The following FNDC7 variants were observed in gnomAD, a reference collection of about 807,000 sequenced individuals.
FNDC7 encodes the protein fibronectin type III domain-containing protein 7.
A neutral mutation model predicts 74.2 loss-of-function variants in FNDC7; 66 were observed. The observed-to-expected ratio is 0.89, with a 90% CI of 0.73 to 1.09. FNDC7 has a LOEUF of 1.09. FNDC7 is among the 50% of genes least tolerant of loss of function. The probability of loss-of-function intolerance (pLI) is 0.00; values close to 1 mark genes in which losing one functional copy is unlikely to be tolerated. For synonymous variants in FNDC7, 307 were observed against 330.2 expected (o/e 0.93, Z 0.76); for missense variants, 829 against 893.4 (o/e 0.93, Z 0.92).
intron 11 of FNDC7, among the ~76,000 whole-genome samples, chr1:108,738,036 C>T (rs1661555580): frequency 6.6e-6 from 1 of 152,216 alleles, no homozygotes; most frequent in Non-Finnish European, 1.5e-5. Flanking sequence ...CACACATCAC[C>T]TGGGGCCTCG....
intron 2 of FNDC7, 78 bp from the exon 3 acceptor site, chr1:108,717,699 A>C (rs1358291787): frequency 7.0e-7 from 1 of 1,430,318 alleles, no homozygotes; most frequent in Non-Finnish European, 9.6e-7. Context: ...AGAATGATTT[A>C]GCTTGAAGAG....
chr1:108,731,503 G>A (rs115438468), intron 9 of FNDC7, among the ~76,000 whole-genome samples: 1,737 of 152,332 alleles, frequency 0.011, 16 homozygotes, highest in Non-Finnish European at 0.018. Context: ...GTGGCTGCTT[G>A]TAACACGGTT....
rs1272365131 is a variant in FNDC7, at chr1:108,742,730, A to ATT, written c.*843_*844insTT. 5 of 152,154 alleles carry ATT rather than the reference A, an allele frequency of 3.3e-5. No individual in the cohort carries two copies. The highest frequency in any genetic ancestry group is 7.2e-5 in the African/African-American group (3 of 41,426). 9.4% of individuals were successfully genotyped at this position (152,154 alleles called of 1,614,324 possible). A position where few individuals can be genotyped will look rare whatever the true frequency, so the allele number is the denominator to read the frequency against. On this transcript the variant is annotated 3_prime_UTR_variant, in exon 13 of 13. Transcript: ENST00000370017. ...GGGGAAGGCAATGAAATATAACATA[A>ATT]ATCTCTCATACCTAAAAAAGTTTGT...
rs190819334 is a variant in FNDC7 at position 108,719,615 on chromosome 1, C to G, written c.598+566C>G. ...CATGGGGCTTCCCACTATTGCTCCT[C>G]CAGCTGTGGGGAGAAGCTGAAGCTT... On this transcript the variant is annotated intron_variant, in intron 4 of 12. Transcript: ENST00000370017. Among the ~76,000 whole-genome samples the G allele has an allele frequency of 2.4e-4, 37 of 152,252 alleles. No individual in the cohort carries two copies. The East Asian group carries it at 6.8e-3, about 28-fold the overall frequency.
In FNDC7 at chr1:108,730,767, T is replaced by C. The variant is rs1450741866; in HGVS notation, c.1718T>C (p.Val573Ala). The change falls in exon 9 of 13, where the codon GTT becomes GCT. Residue 573 changes from valine to alanine, a missense_variant. Val to Ala is a moderately conservative substitution (Grantham distance 64). Transcript: ENST00000370017. ...WTIGRVAQTH[V>A]AVLESHTGQS... ...ATTGGGAGAGTGGCTCAAACCCATGTTGCAGTTCTGGAGTCACACACTGGA... is the reference window on the plus strand; with the variant it reads ...ATTGGGAGAGTGGCTCAAACCCATGCTGCAGTTCTGGAGTCACACACTGGA... 1 of 1,613,906 alleles carries C rather than the reference T, an allele frequency of 6.2e-7. No homozygotes were observed. Among genetic ancestry groups the C allele is most frequent in the Non-Finnish European group, 8.5e-7 (1 of 1,179,948 alleles).
intron 7 of FNDC7, 152 bp downstream of exon 7, chr1:108,728,217 G>A: frequency 9.8e-7 from 1 of 1,017,988 alleles, no homozygotes; most frequent in Non-Finnish European, 1.4e-6. Flanking sequence ...GTACGAAGGA[G>A]AGGCAGAGGA....
Position 108,725,731 on chromosome 1 carries a change from A to T in FNDC7, c.857-19A>T, listed in dbSNP as rs1218285501. 1 of 1,609,462 alleles carries T rather than the reference A, an allele frequency of 6.2e-7. No individual in the cohort carries two copies. The highest frequency in any genetic ancestry group is 8.5e-7 in the Non-Finnish European group (1 of 1,177,110). ...AATCTCCTGCAGTAGTCTCATGTTT[A>T]TTATTGATCATTTCCTAGTTGCTTG... On this transcript the variant is annotated intron_variant, in intron 5 of 12. Transcript: ENST00000370017.
intron 3 of FNDC7, among the ~76,000 whole-genome samples, chr1:108,718,432 T>A (rs1197802289): frequency 6.6e-6 from 1 of 152,258 alleles, no homozygotes; most frequent in African/African-American, 2.4e-5. Context: ...GAAATTGATT[T>A]GATAAAGTTG....
At chr1:108,739,528 A>G (rs1661588931) in intron 11 of FNDC7, among the ~76,000 whole-genome samples, 1 of 152,180 alleles carries the variant, frequency 6.6e-6, no homozygotes, top group African/African-American at 2.4e-5. Context: ...CTTTTTAGAA[A>G]TGTACAGTCT....
rs964058227 is a variant in FNDC7, at chr1:108,728,890, T to C, written c.1624+4T>C. 53 of 1,611,110 alleles carry C rather than the reference T, an allele frequency of 3.3e-5. 1 individual carries two copies. The East Asian group carries it at 1.2e-3, about 36-fold the overall frequency. On this transcript the variant is annotated splice_donor_region_variant and intron_variant, in intron 8 of 12. Coordinates refer to ENST00000370017, the MANE Select transcript of FNDC7 (RefSeq NM_001144937.3). ...TACAGTGTGCCCCTGGAAACAGGTATGTAGCAACCACCAGCCTGAATGTTG... is the reference window on the plus strand; with the variant it reads ...TACAGTGTGCCCCTGGAAACAGGTACGTAGCAACCACCAGCCTGAATGTTG...
intron 4 of FNDC7, 74 bp downstream of exon 4, chr1:108,719,123 A>T (rs1661038792): frequency 5.3e-6 from 8 of 1,500,452 alleles, no homozygotes; most frequent in Non-Finnish European, 7.2e-6. Context: ...TGCAGCCATC[A>T]AGGGCAGTGT....
In FNDC7 at chr1:108,737,535, T is replaced by C. The variant is rs751022633; in HGVS notation, c.2170+11T>C. On this transcript the variant is annotated intron_variant, in intron 11 of 12. Coordinates refer to ENST00000370017, the MANE Select transcript of FNDC7 (RefSeq NM_001144937.3). Reference sequence around the variant, plus strand: ...GTACACTTGGAATGGGTAAGTCATTTTTCTCATGGATAAAATAGAACAGGA... The same window carrying C: ...GTACACTTGGAATGGGTAAGTCATTCTTCTCATGGATAAAATAGAACAGGA... 1 of 1,589,582 alleles carries C rather than the reference T, an allele frequency of 6.3e-7. No individual in the cohort carries two copies. The highest frequency in any genetic ancestry group is 8.5e-7 in the Non-Finnish European group (1 of 1,171,816).
Position 108,718,904 on chromosome 1 carries a change from C to T in FNDC7, c.453C>T (p.Gly151=), listed in dbSNP as rs1661034640. 1.3e-6 allele frequency: 2 copies of T among 1,551,646 alleles called. No homozygotes were observed. Among genetic ancestry groups the T allele is most frequent in the South Asian group, 1.2e-5 (1 of 84,054 alleles). Reference sequence around the variant, plus strand: ...CCGTGTCCATTATGCGAGCCAATGGCTTGGGGAGTATATGGAAAGAGAATA... The same window carrying T: ...CCGTGTCCATTATGCGAGCCAATGGTTTGGGGAGTATATGGAAAGAGAATA... ...AFSVSIMRAN[G]LGSIWKENTT... The change falls in exon 4 of 13, where the codon GGC becomes GGT. Residue 151 remains glycine (G), a synonymous_variant. Transcript: ENST00000370017.
chr1:108,719,745 TGAGAGAGAGAGA>T lies in FNDC7; in HGVS notation c.598+717_598+728del, dbSNP rs67387432. Among the ~76,000 whole-genome samples, 510 of 148,326 alleles carry T rather than the reference TGAGAGAGAGAGA, an allele frequency of 3.4e-3. 3 individuals are homozygous for T. The highest frequency in any genetic ancestry group is 0.012 in the African/African-American group (459 of 39,760). On this transcript the variant is annotated intron_variant, in intron 4 of 12. Coordinates refer to ENST00000370017, the MANE Select transcript of FNDC7 (RefSeq NM_001144937.3). ...GAGCTGCTGGAGTGAGCCAAGCGAATGAGAGAGAGAGAGAGAGAGAGAGAGAGAGAGAACGAG... is the reference window on the plus strand; with the variant it reads ...GAGCTGCTGGAGTGAGCCAAGCGAATGAGAGAGAGAGAGAGAGAGAACGAG...
rs139664209 is a variant in FNDC7, at chr1:108,733,484, G to C, written c.2092G>C (p.Ala698Pro). 2 of 1,613,950 alleles carry C rather than the reference G, an allele frequency of 1.2e-6. No homozygotes were observed. Among genetic ancestry groups the C allele is most frequent in the African/African-American group, 2.7e-5 (2 of 74,902 alleles). ...ATACACTGTGATGGTCTCACCAGTT[G>C]CTAAAACAGGATTGAAGCTTACTTT... Reference protein sequence around the residue: ...DVYTVMVSPVAKTGLKLTFCP... With the variant: ...DVYTVMVSPVPKTGLKLTFCP... The change falls in exon 10 of 13, where the codon GCT becomes CCT. Residue 698 changes from alanine to proline, a missense_variant. Physicochemically the swap from Ala to Pro is conservative, Grantham distance 27. Transcript: ENST00000370017.
rs1474650714 is a variant in FNDC7, at chr1:108,730,905, G to A, written c.1856G>A (p.Cys619Tyr). The stretch of plus-strand genomic sequence containing the variant: ...AGTGCCACCGGGTTGACTGCAGATT[G>A]CTCCTACCAAAGTTATTTCTCTGGT... The part of the protein sequence containing the change: ...AISATGLTAD[C>Y]SYQSYFSGAC... Residue 619 changes from cysteine to tyrosine, a missense_variant, in exon 9 of 13, where the codon TGC becomes TAC. By Grantham distance (194) the Cys-to-Tyr change is radical. Transcript: ENST00000370017. 9.3e-6 allele frequency: 15 copies of A among 1,611,984 alleles called. No homozygotes were observed. The highest frequency in any genetic ancestry group is 1.2e-5 in the Non-Finnish European group (14 of 1,178,956).
intron 5 of FNDC7, 51 bp from the exon 6 acceptor site, chr1:108,725,699 C>A (rs772889301): frequency 2.5e-6 from 4 of 1,569,952 alleles, no homozygotes; most frequent in Non-Finnish European, 2.6e-6. Context: ...TGCAAAGATG[C>A]GAAGAAAATC....
intron 5 of FNDC7, among the ~76,000 whole-genome samples, chr1:108,722,942 G>A (rs1005909234): frequency 6.6e-6 from 1 of 151,534 alleles, no homozygotes; most frequent in African/African-American, 2.4e-5. Flanking sequence ...TCTTCTTTGC[G>A]TCATGTCTCA....
chr1:108,714,643 C>A (rs1009615836), intron 2 of FNDC7, among the ~76,000 whole-genome samples: 2 of 113,578 alleles, frequency 1.8e-5, no homozygotes, highest in Non-Finnish European at 3.3e-5. Context: ...GAGTCTCTGT[C>A]GCCCAGGCTG....
Sources: gnomAD v4.1 joint callset for allele counts (sites outside exome capture counted in the v4.1 genomes callset) on GRCh38, gnomAD v4.1.1 for gene constraint, MANE v1.5 for transcripts, NCBI Gene and HGNC (gene_info 2026-07-23, HGNC 2026-07-21) for gene names.